KRT78: variants seen among roughly 807,000 people sequenced by gnomAD.
KRT78 encodes keratin, type II cytoskeletal 78.
In KRT78, 55 loss-of-function variants were observed where a neutral mutation model predicts 51.4. The observed-to-expected ratio is 1.07, with a 90% confidence interval of 0.86 to 1.34. The LOEUF (loss-of-function observed/expected upper bound fraction) is 1.34. Ranked by LOEUF, KRT78 falls within the 40% of genes most tolerant of loss-of-function variation. KRT78 has a pLI of 0.00. For synonymous variants in KRT78, 291 were observed against 264.3 expected, an observed-to-expected ratio of 1.10 and a Z score of -0.98; for missense variants, 652 against 649.4, an observed-to-expected ratio of 1.00 and a Z score of -0.04.
Position 52,844,577 on chromosome 12 carries a change from C to T in KRT78, c.903G>A (p.Glu301=). ...CCACCACCTTGGTCTGGTACAAGGCCTCAGCCTCAGCCTTGCTGCTCCGGG... is the reference window on the plus strand; with the variant it reads ...CCACCACCTTGGTCTGGTACAAGGCTTCAGCCTCAGCCTTGCTGCTCCGGG... The part of the protein sequence containing the change: ...EIARSSKAEA[E]ALYQTKYQEL... The change falls in exon 5 of 9, where the codon GAG becomes GAA. Residue 301 remains glutamate (E), a synonymous_variant. Coordinates refer to ENST00000304620, the MANE Select transcript of KRT78 (RefSeq NM_173352.4). 6.2e-7 allele frequency: 1 copy of T among 1,613,690 alleles called. No individual in the cohort carries two copies. Among genetic ancestry groups the T allele is most frequent in the Non-Finnish European group, 8.5e-7 (1 of 1,179,734 alleles).
rs1455500384 is a variant in KRT78 at position 52,847,997 on chromosome 12, C to T, written c.509G>A (p.Arg170Lys). The T allele has an allele frequency of 6.2e-7, 1 of 1,614,218 alleles. No individual in the cohort carries two copies. The highest frequency in any genetic ancestry group is 8.5e-7 in the Non-Finnish European group (1 of 1,180,038). ...PVFEACLDQL[R>K]KQLEQLQGER... ...TCCCTGGAGCTGCTCCAGCTGCTTC[C>T]TGAGCTGATCCAGGCAGGCCTCAAA... The change falls in exon 2 of 9, where the codon AGG (arginine) becomes AAG (lysine). Residue 170 changes from arginine (R) to lysine (K), a missense_variant. Transcript: ENST00000304620.
chr12:52,839,210 T>A lies in KRT78; in HGVS notation c.1466A>T (p.Asp489Val). The change falls in exon 9 of 9, where the codon GAT (aspartate) becomes GTT (valine). Residue 489 changes from aspartate (D) to valine (V), a missense_variant. Physicochemically the swap from Asp to Val is radical, Grantham distance 152. Coordinates refer to ENST00000304620, the MANE Select transcript of KRT78 (RefSeq NM_173352.4). Reference protein sequence around the residue: ...ILGSGKDPVLDSCSVSGSSAG... With the variant: ...ILGSGKDPVLVSCSVSGSSAG... ...GCTGGAGCCAGACACAGAGCAGGAATCCAAAACAGGGTCCTTCCCAGAGCC... is the reference window on the plus strand; with the variant it reads ...GCTGGAGCCAGACACAGAGCAGGAAACCAAAACAGGGTCCTTCCCAGAGCC... 6.2e-7 allele frequency: 1 copy of A among 1,612,562 alleles called. No homozygotes were observed.
At chr12:52,845,899 G>A (rs113368611) in intron 4 of KRT78, 4,477 of 319,198 alleles carry the variant, frequency 0.014, 209 homozygotes, top group African/African-American at 0.09. Flanking sequence ...GTTGCAGTGA[G>A]CTGAGATTGC....
At position 52,846,808 on chromosome 12, in the gene KRT78, G is replaced by A; in HGVS notation, c.616C>T (p.His206Tyr). Residue 206 changes from histidine (H) to tyrosine (Y), a missense_variant, in exon 3 of 9, where the codon CAC becomes TAC. Coordinates refer to ENST00000304620, the MANE Select transcript of KRT78 (RefSeq NM_173352.4). ...TCGTTCTCAAGTGTGGCACGCCTGT[G>A]GGCCTCCTCCTCATACCTGCCAAAT... ...EYKSKYEEEAHRRATLENDFV... is the reference protein window; with the variant it reads ...EYKSKYEEEAYRRATLENDFV... 6.2e-7 allele frequency: 1 copy of A among 1,613,702 alleles called. No homozygotes were observed. The highest frequency in any genetic ancestry group is 1.1e-5 in the South Asian group (1 of 90,972).
At chr12:52,840,620 T>C (rs1458033887) in intron 6 of KRT78, among the ~76,000 whole-genome samples, 3 of 152,092 alleles carry the variant, frequency 2.0e-5, no homozygotes, top group Admixed American at 6.5e-5. Context: ...GGCAGGAGAA[T>C]TGCTTGAACC....
rs1373721731 is a variant in KRT78 at position 52,848,790 on chromosome 12, G to A, written c.141C>T (p.Cys47=). 1.9e-6 allele frequency: 3 copies of A among 1,612,484 alleles called. No homozygotes were observed. The highest frequency in any genetic ancestry group is 2.2e-5 in the East Asian group (1 of 44,812). Residue 47 remains cysteine (C), a synonymous_variant, in exon 1 of 9, where the codon TGC becomes TGT. Transcript: ENST00000304620. ...AGGTACTCCCACGAGAGCCTTCCAG[G>A]CACCCCCCAAAGGAATTAAGGCTCC... The part of the protein sequence containing the change: ...SSRSLNSFGG[C]LEGSRGSTWG...
intron 3 of KRT78, among the ~76,000 whole-genome samples, chr12:52,846,537 C>T (rs550112414): frequency 6.6e-6 from 1 of 152,330 alleles, no homozygotes; most frequent in Non-Finnish European, 1.5e-5. Flanking sequence ...CCCTCCCCGC[C>T]CTCTCCTGCA....
At position 52,839,251 on chromosome 12, in the gene KRT78, G is replaced by A; in HGVS notation, c.1425C>T (p.Gly475=). Residue 475 remains glycine, a synonymous_variant, in exon 9 of 9, where the codon GGC becomes GGT. Coordinates refer to ENST00000304620, the MANE Select transcript of KRT78 (RefSeq NM_173352.4). ...TCCCAGAGCCCAGAATGATGTTGGA[G>A]CCTCCAGTCACAATGCTGGTGCAGC... The part of the protein sequence containing the change: ...GSCCTSIVTG[G]SNIILGSGKD... 1 of 1,611,998 alleles carries A rather than the reference G, an allele frequency of 6.2e-7. No homozygotes were observed. The highest frequency in any genetic ancestry group is 8.5e-7 in the Non-Finnish European group (1 of 1,179,140).
Position 52,839,961 on chromosome 12 carries a change from G to A in KRT78, c.1071C>T (p.Ile357=). The A allele has an allele frequency of 6.2e-7, 1 of 1,613,346 alleles. No homozygotes were observed. The highest frequency in any genetic ancestry group is 8.5e-7 in the Non-Finnish European group (1 of 1,179,354). The change falls in exon 7 of 9, where the codon ATC becomes ATT. Residue 357 remains isoleucine (I), a synonymous_variant. Coordinates refer to ENST00000304620, the MANE Select transcript of KRT78 (RefSeq NM_173352.4). The part of the protein sequence containing the change: ...KKQNASLQAA[I]TDAEQRGELA... ...GCTCCCCACGCTGCTCAGCATCAGTGATGGCGGCCTGCAGGCTGGCGTTCT... is the reference window on the plus strand; with the variant it reads ...GCTCCCCACGCTGCTCAGCATCAGTAATGGCGGCCTGCAGGCTGGCGTTCT...
rs1438583745 is a variant in KRT78, at chr12:52,839,146, A to C, written c.1530T>G (p.Val510=). Residue 510 remains valine, a synonymous_variant, in exon 9 of 9, where the codon GTT becomes GTG. Coordinates refer to ENST00000304620, the MANE Select transcript of KRT78 (RefSeq NM_173352.4). ...TGATGGATGTCTTCAGACTCGACTC[A>C]ACTGTCTTCTTCAGGATGGTGTGGC... ...SSCHTILKKT[V]ESSLKTSITY is the part of the protein sequence containing the mutation. 8 of 1,613,414 alleles carry C rather than the reference A, an allele frequency of 5.0e-6. No individual in the cohort carries two copies. The highest frequency in any genetic ancestry group is 5.9e-6 in the Non-Finnish European group (7 of 1,179,888).
At chr12:52,846,519 C>T (rs1940646275) in intron 3 of KRT78, among the ~76,000 whole-genome samples, 1 of 152,208 alleles carries the variant, frequency 6.6e-6, no homozygotes, top group African/African-American at 2.4e-5. Context: ...AGTTCTGCTT[C>T]TTCCTCTCCC....
intron 5 of KRT78, 101 bp from the exon 6 acceptor site, chr12:52,844,319 T>A: frequency 7.3e-7 from 1 of 1,374,230 alleles, no homozygotes; most frequent in Non-Finnish European, 9.9e-7. Flanking sequence ...ATTTGGAGTG[T>A]GGGTTAAACG....
intron 5 of KRT78, 30 bp from the exon 6 acceptor site, chr12:52,844,248 G>A (rs1240055718): frequency 1.3e-6 from 2 of 1,562,074 alleles, no homozygotes; most frequent in Non-Finnish European, 1.7e-6. Context: ...GACACCATTA[G>A]TTGAGAGGAC....
intron 6 of KRT78, among the ~76,000 whole-genome samples, chr12:52,842,646 G>T (rs973748196): frequency 3.3e-5 from 5 of 152,094 alleles, no homozygotes; most frequent in African/African-American, 4.8e-5. Context: ...GGCTGAGCAT[G>T]GTGGCTCACA....
At chr12:52,843,786 C>T (rs73106422) in intron 6 of KRT78, among the ~76,000 whole-genome samples, 6,045 of 151,956 alleles carry the variant, frequency 0.04, 133 homozygotes, top group Middle Eastern at 0.054. Context: ...GGGCTGAAAG[C>T]AAGATGTACA....
At chr12:52,846,865 G>T in intron 2 of KRT78, 41 bp from the exon 3 acceptor site, 1 of 1,510,182 alleles carries the variant, frequency 6.6e-7, no homozygotes, top group Non-Finnish European at 9.2e-7. Context: ...GAGGCTCCAC[G>T]GTCAGAGCTC....
chr12:52,844,376 T>C (rs1940590396), intron 5 of KRT78, among the ~76,000 whole-genome samples, 158 bp from the exon 6 acceptor site: 1 of 152,164 alleles, frequency 6.6e-6, no homozygotes, highest in Admixed American at 6.5e-5. Flanking sequence ...TCCAAGCTTA[T>C]CTCCCACGGT....
intron 6 of KRT78, among the ~76,000 whole-genome samples, chr12:52,842,845 G>A (rs1016538066): frequency 3.3e-5 from 5 of 151,260 alleles, no homozygotes; most frequent in Non-Finnish European, 4.4e-5. Flanking sequence ...AACCTGGGAG[G>A]TGGAGGTTGC....
rs754976558 is a variant in KRT78, at chr12:52,839,167, G to A, written c.1509C>T (p.His503=). The A allele has an allele frequency of 3.7e-6, 6 of 1,613,368 alleles. No homozygotes were observed. The highest frequency in any genetic ancestry group is 3.3e-5 in the Admixed American group (2 of 59,992). The change falls in exon 9 of 9, where the codon CAC becomes CAT. Residue 503 remains histidine, a synonymous_variant. Transcript: ENST00000304620. The stretch of plus-strand genomic sequence containing the variant: ...ACTCAACTGTCTTCTTCAGGATGGT[G>A]TGGCAGCTGGAGCCAGCGCTGGAGC... The part of the protein sequence containing the change: ...VSGSSAGSSC[H]TILKKTVESS...
Sources: gnomAD v4.1 joint callset for allele counts (sites outside exome capture counted in the v4.1 genomes callset) on GRCh38, gnomAD v4.1.1 for gene constraint, MANE v1.5 for transcripts, NCBI Gene and HGNC (gene_info 2026-07-23, HGNC 2026-07-21) for gene names.